MYOZ3: variants seen among roughly 807,000 people sequenced by gnomAD.
MYOZ3 encodes the protein myozenin 3, also known as myozenin-3.
A neutral mutation model predicts 26.5 loss-of-function variants in MYOZ3; 19 were observed. That is an observed-to-expected ratio of 0.72 (90% CI 0.50 to 1.05). The LOEUF (loss-of-function observed/expected upper bound fraction) is 1.05, where lower values mean the gene tolerates loss of function less well. Among genes scored for constraint, MYOZ3 ranks in the 50% least tolerant of loss-of-function variants. MYOZ3 has a pLI of 0.00. For synonymous variants in MYOZ3, 135 were observed against 138.8 expected, an observed-to-expected ratio of 0.97 and a Z score of 0.19; for missense variants, 322 against 337.1, an observed-to-expected ratio of 0.96 and a Z score of 0.35.
intron 1 of MYOZ3, among the ~76,000 whole-genome samples, chr5:150,661,644 G>A (rs530774545): frequency 1.3e-5 from 2 of 152,322 alleles, no homozygotes; most frequent in Non-Finnish European, 2.9e-5. Flanking sequence ...GATTAAAGGT[G>A]GGGAATAGGT....
At chr5:150,672,787 C>A (rs1758944980) in intron 6 of MYOZ3, 1 of 399,320 alleles carries the variant, frequency 2.5e-6, no homozygotes, top group Non-Finnish European at 4.4e-6. Context: ...GAAGAGGCTG[C>A]GGCTCAGGAA....
chr5:150,672,639 G>C (rs1272077001), intron 6 of MYOZ3, 137 bp downstream of exon 6: 1 of 1,081,718 alleles, frequency 9.2e-7, no homozygotes, highest in African/African-American at 1.6e-5. Flanking sequence ...CATTGACTGA[G>C]CTCTGGCTGG....
rs80048626 is a variant in MYOZ3 at position 150,674,439 on chromosome 5, T to C, written c.587+1937T>C. Among the ~76,000 whole-genome samples, 806 of 152,310 alleles carry C rather than the reference T, an allele frequency of 5.3e-3. 7 individuals carry two copies. The highest frequency in any genetic ancestry group is 0.019 in the African/African-American group (787 of 41,562). ...TAGAGAAGAGAAACAGCAGTTTGGG[T>C]GGCCAAGATGTGCTCAGCTTCCAGG... On this transcript the variant is annotated intron_variant, in intron 6 of 6. Coordinates refer to ENST00000517768, the MANE Select transcript of MYOZ3 (RefSeq NM_001122853.3).
At chr5:150,670,773 T>A in intron 3 of MYOZ3, 135 bp downstream of exon 3, 1 of 806,876 alleles carries the variant, frequency 1.2e-6, no homozygotes, top group Non-Finnish European at 1.8e-6. Flanking sequence ...TTCAGTGTGA[T>A]CCTTGAAAAG....
intron 1 of MYOZ3, among the ~76,000 whole-genome samples, chr5:150,661,876 T>C (rs1003874400): frequency 5.3e-5 from 8 of 152,218 alleles, no homozygotes; most frequent in African/African-American, 1.9e-4. Context: ...TGTTTACGTA[T>C]AGTTTTAGGG....
intron 2 of MYOZ3, among the ~76,000 whole-genome samples, chr5:150,665,669 T>C (rs1358251956): frequency 6.6e-6 from 1 of 152,082 alleles, no homozygotes; most frequent in African/African-American, 2.4e-5. Context: ...GCCCAAGCAA[T>C]CCACCCACTT....
chr5:150,664,015 GA>G (rs1561667940), intron 2 of MYOZ3, among the ~76,000 whole-genome samples: 1 of 150,588 alleles, frequency 6.6e-6, no homozygotes, highest in Non-Finnish European at 1.5e-5. Context: ...AAAAGAAAAA[GA>G]AAAAAATTAA....
At chr5:150,664,296 A>G (rs1758777068) in intron 2 of MYOZ3, among the ~76,000 whole-genome samples, 1 of 152,142 alleles carries the variant, frequency 6.6e-6, no homozygotes, top group Admixed American at 6.6e-5. Context: ...AAATATGCAC[A>G]TTCTATGGGT....
rs1759013828 is a variant in MYOZ3, at chr5:150,676,722, T to C, written c.603T>C (p.Phe201=). 1.2e-6 allele frequency: 2 copies of C among 1,614,000 alleles called. No individual in the cohort carries two copies. The highest frequency in any genetic ancestry group is 1.1e-5 in the South Asian group (1 of 91,076). ...YRNFNKTPVP[F]GGPLVGGTFP... ...CTTTCTCCAGGACCCCGGTGCCATT[T>C]GGAGGACCCCTCGTGGGGGGCACTT... Residue 201 remains phenylalanine, a synonymous_variant, in exon 7 of 7, where the codon TTT becomes TTC. Transcript: ENST00000517768.
At chr5:150,663,314 C>G (rs1366726290) in intron 2 of MYOZ3, among the ~76,000 whole-genome samples, 1 of 152,256 alleles carries the variant, frequency 6.6e-6, no homozygotes, top group East Asian at 1.9e-4. Flanking sequence ...GCTCTGAAGA[C>G]TCTGGTCCCA....
In MYOZ3 at chr5:150,670,369, G is replaced by A. The variant is rs970370573; in HGVS notation, c.62-115G>A. 8 of 1,216,646 alleles carry A rather than the reference G, an allele frequency of 6.6e-6. No individual in the cohort carries two copies. In the Admixed American group the frequency reaches 2.0e-4, roughly 30 times the overall value. The allele number at this position is 1,216,646 out of a possible 1,614,324, so 75.4% of individuals were successfully genotyped here. ...CAAACAATCATGACACCCGGTGTCG[G>A]CAAGCTTGGTGAGAAACAGGCATTC... On this transcript the variant is annotated intron_variant, in intron 2 of 6. Coordinates refer to ENST00000517768, the MANE Select transcript of MYOZ3 (RefSeq NM_001122853.3).
At chr5:150,675,384 C>T (rs1214916571) in intron 6 of MYOZ3, among the ~76,000 whole-genome samples, 2 of 151,202 alleles carry the variant, frequency 1.3e-5, no homozygotes, top group African/African-American at 2.4e-5. Flanking sequence ...TTTTTTTTCG[C>T]GGGGTGGAGC....
At chr5:150,676,620 A>C in intron 6 of MYOZ3, 87 bp from the exon 7 acceptor site, 1 of 1,253,576 alleles carries the variant, frequency 8.0e-7, no homozygotes, top group Non-Finnish European at 1.1e-6. Flanking sequence ...AGCGGCAGGG[A>C]GGGGCCCATA....
At chr5:150,671,699 C>A in intron 4 of MYOZ3, 49 bp downstream of exon 4, 6 of 1,613,234 alleles carry the variant, frequency 3.7e-6, no homozygotes, top group Non-Finnish European at 5.1e-6. Context: ...GGAAGGGGAG[C>A]GCGGCTGGGG....
rs1472471225 is a variant in MYOZ3, at chr5:150,677,115, T to C, written c.*240T>C. 2.2e-6 allele frequency: 1 copy of C among 454,846 alleles called. No individual in the cohort carries two copies. The highest frequency in any genetic ancestry group is 3.6e-5 in the East Asian group (1 of 27,718). The allele number at this position is 454,846 out of a possible 1,614,324, so 28.2% of individuals were successfully genotyped here. A position where few individuals can be genotyped will look rare whatever the true frequency, so the allele number is the denominator to read the frequency against. ...CCAGACTTGCAGCATCAGAGTCTCC[T>C]GAGTCGAGGAATCTGTATTATTAAT... On this transcript the variant is annotated 3_prime_UTR_variant, in exon 7 of 7. Coordinates refer to ENST00000517768, the MANE Select transcript of MYOZ3 (RefSeq NM_001122853.3).
intron 2 of MYOZ3, among the ~76,000 whole-genome samples, chr5:150,665,153 G>A (rs1758789165): frequency 6.6e-6 from 1 of 152,080 alleles, no homozygotes; most frequent in Non-Finnish European, 1.5e-5. Flanking sequence ...GGTTGTCTGG[G>A]GTGAGATCCT....
intron 2 of MYOZ3, chr5:150,670,241 TG>T (rs901210506): frequency 5.3e-6 from 2 of 379,634 alleles, no homozygotes; most frequent in African/African-American, 4.2e-5. Context: ...TAAACACAAA[TG>T]GCCAAAGAAC....
intron 2 of MYOZ3, chr5:150,670,263 G>GTT: frequency 2.2e-6 from 1 of 452,480 alleles, no homozygotes; most frequent in Non-Finnish European, 3.8e-6. Context: ...TTCGGAAACA[G>GTT]TGCTAAACTT....
chr5:150,663,554 T>A (rs1027199066), intron 2 of MYOZ3, among the ~76,000 whole-genome samples: 2 of 152,224 alleles, frequency 1.3e-5, no homozygotes, highest in Admixed American at 6.5e-5. Flanking sequence ...TAAAGCTGAT[T>A]CATCAAATGA....
Sources: allele counts gnomAD v4.1 joint callset (sites outside exome capture counted in the v4.1 genomes callset), GRCh38; gene constraint gnomAD v4.1.1; transcripts MANE v1.5; gene names NCBI Gene and HGNC (gene_info 2026-07-23, HGNC 2026-07-21).